The following PITRM1 variants were observed in gnomAD, a reference collection of about 807,000 sequenced individuals.
The protein encoded by PITRM1 is pitrilysin metallopeptidase 1, also known as presequence protease, mitochondrial.
In PITRM1, 100 loss-of-function variants were observed where a neutral mutation model predicts 129.9. That is an observed-to-expected ratio of 0.77 (90% CI 0.65 to 0.91). PITRM1 has a LOEUF of 0.91. Ranked by LOEUF, PITRM1 falls within the 40% of genes least tolerant of loss-of-function variation. The pLI, the probability that PITRM1 is intolerant of heterozygous loss-of-function variation, is 0.00. For missense variants in PITRM1, 1,471 were observed against 1,318.3 expected, an observed-to-expected ratio of 1.12 and a Z score of -1.79; for synonymous variants, 591 against 508.8, an observed-to-expected ratio of 1.16 and a Z score of -2.17.
At position 3,139,098 on chromosome 10, in the gene PITRM1, G is replaced by A. The variant is rs189103646; in HGVS notation, c.2772-49C>T. On this transcript the variant is annotated intron_variant, in intron 24 of 26. Coordinates refer to ENST00000224949, the MANE Select transcript of PITRM1 (RefSeq NM_014889.4). Reference sequence around the variant, plus strand: ...GGGCAAGCATTTTACCAGTGGACAAGTTTATGACAAACCTCTGTCGACTTA... The same window carrying A: ...GGGCAAGCATTTTACCAGTGGACAAATTTATGACAAACCTCTGTCGACTTA... 1,829 of 1,529,632 alleles carry A rather than the reference G, an allele frequency of 1.2e-3. 19 individuals carry two copies. In the African/African-American group the frequency reaches 0.022, roughly 18 times the overall value. The allele number at this position is 1,529,632 out of a possible 1,614,324, so 94.8% of individuals were successfully genotyped here. A position where few individuals can be genotyped will look rare whatever the true frequency, so the allele number is the denominator to read the frequency against.
chr10:3,172,766 G>A lies in PITRM1; in HGVS notation c.7C>T (p.Arg3Cys), dbSNP rs756647224. ...CACAGGCCCTGCCGCCCGCCGCAGC[G>A]CCACATTGCGCATGACGAGCACCTG... MW[R>C]CGGRQGLCVL... Residue 3 changes from arginine (R) to cysteine (C), a missense_variant, in exon 1 of 27, where the codon CGC becomes TGC. Transcript: ENST00000224949. The A allele has an allele frequency of 5.0e-5, 77 of 1,546,342 alleles. No homozygotes were observed. In the Middle Eastern group the frequency reaches 6.7e-4, roughly 13 times the overall value.
intron 18 of PITRM1, 74 bp from the exon 19 acceptor site, chr10:3,147,811 T>TTC (rs1192159166): frequency 7.1e-7 from 1 of 1,405,432 alleles, no homozygotes; most frequent in Non-Finnish European, 9.7e-7. Flanking sequence ...GAAAGTTGAT[T>TTC]AAGTTTTCAG....
At chr10:3,146,918 C>T in intron 20 of PITRM1, 1 of 329,370 alleles carries the variant, frequency 3.0e-6, no homozygotes, top group Non-Finnish European at 5.6e-6. Context: ...ACTACTTGCC[C>T]TCAATCTATT....
chr10:3,153,865 CAT>C, intron 14 of PITRM1, among the ~76,000 whole-genome samples: 1 of 152,326 alleles, frequency 6.6e-6, no homozygotes, highest in Admixed American at 6.5e-5. Flanking sequence ...AAAGTAAGTG[CAT>C]GTGTGTATGT....
At chr10:3,153,775 C>T (rs1310011083) in intron 14 of PITRM1, among the ~76,000 whole-genome samples, 1 of 152,166 alleles carries the variant, frequency 6.6e-6, no homozygotes, top group Non-Finnish European at 1.5e-5. Context: ...ACTTACTTTC[C>T]ACCTAACGTC....
chr10:3,146,897 G>C (rs1379228790), intron 20 of PITRM1: 2 of 275,402 alleles, frequency 7.3e-6, no homozygotes, highest in African/African-American at 4.5e-5. Flanking sequence ...TGTGCTTTTG[G>C]AAGCAATATA....
chr10:3,159,867 CGCTGAT>C lies in PITRM1; in HGVS notation c.982_987del (p.Ile328_Ser329del), dbSNP rs1842297896. ...ACTTACTCCGGTAAGAGGAAGCTAA[CGCTGAT>C]GGTTGTTTGTTTAGAGGGATCTGTA... On this transcript the variant is annotated inframe_deletion, in exon 9 of 27. Transcript: ENST00000224949. 2.5e-6 allele frequency: 4 copies of C among 1,600,004 alleles called. No homozygotes were observed. Among genetic ancestry groups the C allele is most frequent in the African/African-American group, 2.7e-5 (2 of 74,754 alleles).
chr10:3,152,773 G>A (rs549358942), intron 14 of PITRM1, among the ~76,000 whole-genome samples: 13 of 152,324 alleles, frequency 8.5e-5, no homozygotes, highest in Admixed American at 2.6e-4. Context: ...TCCCTGACCC[G>A]GTTTCCCCCG....
intron 1 of PITRM1, among the ~76,000 whole-genome samples, 200 bp downstream of exon 1, chr10:3,172,517 T>C (rs1341933099): frequency 6.6e-6 from 1 of 150,806 alleles, no homozygotes; most frequent in Non-Finnish European, 1.5e-5. Flanking sequence ...CCCCTGGGAG[T>C]AGGAAGGAGC....
intron 1 of PITRM1, 46 bp downstream of exon 1, chr10:3,172,671 C>T (rs941664060): frequency 6.6e-6 from 10 of 1,515,454 alleles, no homozygotes; most frequent in Non-Finnish European, 8.8e-6. Flanking sequence ...GGACCCTCCC[C>T]TCCCGGGTAC....
At chr10:3,143,320 ACTCG>A in intron 23 of PITRM1, 65 bp downstream of exon 23, 1 of 989,012 alleles carries the variant, frequency 1.0e-6, no homozygotes, top group Non-Finnish European at 1.6e-6. Context: ...CGCCCTGTGA[ACTCG>A]AACAGCCTTG....
chr10:3,172,318 T>TAAGAAAA lies in PITRM1; in HGVS notation c.56+398_56+399insTTTTCTT, dbSNP rs564808568. On this transcript the variant is annotated intron_variant, in intron 1 of 26. Coordinates refer to ENST00000224949, the MANE Select transcript of PITRM1 (RefSeq NM_014889.4). ...TCAGTTCTCTGAACACAGCGAGACT[T>TAAGAAAA]TAAGTATGGGCTGTGGGCGCCTCGG... 311 of 498,322 alleles carry TAAGAAAA rather than the reference T, an allele frequency of 6.2e-4. 3 individuals carry two copies. The highest frequency in any genetic ancestry group is 1.4e-3 in the East Asian group (26 of 18,168). The allele number at this position is 498,322 out of a possible 1,614,324, so 30.9% of individuals were successfully genotyped here. A position where few individuals can be genotyped will look rare whatever the true frequency, so the allele number is the denominator to read the frequency against.
At chr10:3,169,117 C>G (rs1466311268) in intron 2 of PITRM1, among the ~76,000 whole-genome samples, 1 of 152,146 alleles carries the variant, frequency 6.6e-6, no homozygotes, top group Non-Finnish European at 1.5e-5. Flanking sequence ...AAATACGTTT[C>G]TATAAAATTT....
intron 4 of PITRM1, 53 bp downstream of exon 4, chr10:3,166,176 T>C (rs1188963021): frequency 1.4e-6 from 2 of 1,437,404 alleles, no homozygotes; most frequent in Non-Finnish European, 1.9e-6. Flanking sequence ...TGAATTCCAG[T>C]GGGTGTGCCT....
Position 3,137,965 on chromosome 10 carries a change from G to A in PITRM1, c.*66C>T. On this transcript the variant is annotated 3_prime_UTR_variant, in exon 27 of 27. Transcript: ENST00000224949. The stretch of plus-strand genomic sequence containing the variant: ...TCTTGGAAAAAGCAGTAGCATTTCT[G>A]ACTTTTCATATTCAGCTCGGAGGTG... The A allele has an allele frequency of 3.2e-6, 3 of 931,104 alleles. No homozygotes were observed. The highest frequency in any genetic ancestry group is 1.6e-5 in the African/African-American group (1 of 60,640). 57.7% of individuals were successfully genotyped at this position (931,104 alleles called of 1,614,324 possible).
At chr10:3,138,767 A>C in intron 25 of PITRM1, 137 bp downstream of exon 25, 1 of 851,972 alleles carries the variant, frequency 1.2e-6, no homozygotes, top group Non-Finnish European at 2.1e-6. Flanking sequence ...AGGGTGTCAG[A>C]CGTGGAAATC....
intron 14 of PITRM1, among the ~76,000 whole-genome samples, chr10:3,151,691 T>C (rs1841531023): frequency 6.6e-6 from 1 of 152,206 alleles, no homozygotes; most frequent in South Asian, 2.1e-4. Context: ...TTTTTAGAGT[T>C]TTCAAACCAT....
rs566522287 is a variant in PITRM1, at chr10:3,138,209, C to T, written c.3020+26G>A. 7.6e-5 allele frequency: 122 copies of T among 1,595,972 alleles called. 1 individual carries two copies. The East Asian group carries it at 1.2e-3, about 16-fold the overall frequency. On this transcript the variant is annotated intron_variant, in intron 26 of 26. Coordinates refer to ENST00000224949, the MANE Select transcript of PITRM1 (RefSeq NM_014889.4). ...CAGCACGAGGGCTTCCAGTCCCAGA[C>T]GCTGTCTCCCCCGCTCCCCACTCAC...
At chr10:3,145,757 A>T (rs1360991172) in intron 20 of PITRM1, 41 bp from the exon 21 acceptor site, 1 of 1,436,408 alleles carries the variant, frequency 7.0e-7, no homozygotes, top group South Asian at 1.2e-5. Context: ...ACTGTTAGAA[A>T]AAACAGTTTT....
Sources: gnomAD v4.1 joint callset for allele counts (sites outside exome capture counted in the v4.1 genomes callset) on GRCh38, gnomAD v4.1.1 for gene constraint, MANE v1.5 for transcripts, NCBI Gene and HGNC (gene_info 2026-07-23, HGNC 2026-07-21) for gene names.